MIPEP: variants seen among roughly 807,000 people sequenced by gnomAD.
MIPEP encodes mitochondrial intermediate peptidase.
Under a neutral mutation model 90.3 loss-of-function variants are expected in MIPEP, and 79 were observed. The observed-to-expected ratio is 0.87, with a 90% confidence interval of 0.73 to 1.05. The LOEUF (loss-of-function observed/expected upper bound fraction) is 1.05, where lower values mean the gene tolerates loss of function less well. MIPEP is among the 50% of genes least tolerant of loss of function. The pLI, the probability that MIPEP is intolerant of heterozygous loss-of-function variation, is 0.00. For synonymous variants in MIPEP, 334 were observed against 315.8 expected, an observed-to-expected ratio of 1.06 and a Z score of -0.61; for missense variants, 940 against 905.6, an observed-to-expected ratio of 1.04 and a Z score of -0.49.
At chr13:23,773,944 T>C (rs551510369) in intron 16 of MIPEP, among the ~76,000 whole-genome samples, 35 of 152,330 alleles carry the variant, frequency 2.3e-4, no homozygotes, top group African/African-American at 7.9e-4. Flanking sequence ...AAAAAAATCT[T>C]CTGTTTCTTT....
chr13:23,741,524 C>A (rs2861536), intron 18 of MIPEP, among the ~76,000 whole-genome samples: 151,208 of 152,322 alleles, frequency 0.99, 75,072 homozygotes, highest in Middle Eastern at 1. Flanking sequence ...TTGCAGAAAC[C>A]TGGATGGAGT....
At chr13:23,842,524 C>T (rs1168989022) in intron 10 of MIPEP, 1 of 152,128 alleles carries the variant, frequency 6.6e-6, no homozygotes, top group Non-Finnish European at 1.5e-5. Flanking sequence ...TGCCCTCGCT[C>T]CCTGGTTCGT....
intron 16 of MIPEP, among the ~76,000 whole-genome samples, chr13:23,780,251 C>G (rs971117956): frequency 2.0e-5 from 3 of 152,186 alleles, no homozygotes; most frequent in African/African-American, 7.2e-5. Flanking sequence ...CCCTCTGAGA[C>G]GAAGCTTCCA....
chr13:23,845,341 G>A (rs1418318897), intron 10 of MIPEP, among the ~76,000 whole-genome samples: 1 of 152,174 alleles, frequency 6.6e-6, no homozygotes, highest in Non-Finnish European at 1.5e-5. Context: ...CAAGGTCAAT[G>A]AGAGCCTGAA....
rs1359952520 is a variant in MIPEP, at chr13:23,760,171, T to C, written c.1895A>G (p.Tyr632Cys). The stretch of plus-strand genomic sequence containing the variant: ...CGCTCTGGACATGAGGTAAGAGTAA[T>C]ATCTAGCACCATACCCCACGAGGTG... ...FSHLVGYGARYYSYLMSRAVA... is the reference protein window; with the variant it reads ...FSHLVGYGARCYSYLMSRAVA... Residue 632 changes from tyrosine (Y) to cysteine (C), a missense_variant, in exon 17 of 19, where the codon TAT becomes TGT. By Grantham distance (194) the Tyr-to-Cys change is radical. Coordinates refer to ENST00000382172, the MANE Select transcript of MIPEP (RefSeq NM_005932.4). 1 of 1,613,902 alleles carries C rather than the reference T, an allele frequency of 6.2e-7. No homozygotes were observed. Among genetic ancestry groups the C allele is most frequent in the Non-Finnish European group, 8.5e-7 (1 of 1,180,024 alleles).
chr13:23,861,530 G>GT, intron 9 of MIPEP, among the ~76,000 whole-genome samples: 1 of 152,300 alleles, frequency 6.6e-6, no homozygotes, highest in South Asian at 2.1e-4. Context: ...CCTAGTGGCT[G>GT]TATCTGGGAA....
At chr13:23,798,178 A>G (rs952358727) in intron 16 of MIPEP, among the ~76,000 whole-genome samples, 2 of 152,224 alleles carry the variant, frequency 1.3e-5, no homozygotes, top group Admixed American at 1.3e-4. Flanking sequence ...AACTATTTTA[A>G]TTGGGATTTG....
At chr13:23,752,246 G>A (rs1428127441) in intron 18 of MIPEP, among the ~76,000 whole-genome samples, 1 of 152,190 alleles carries the variant, frequency 6.6e-6, no homozygotes, top group Non-Finnish European at 1.5e-5. Context: ...ATAGTTTACA[G>A]AGGGCAATAT....
At chr13:23,827,950 ATAAT>A (rs1238329500) in intron 14 of MIPEP, among the ~76,000 whole-genome samples, 1 of 152,206 alleles carries the variant, frequency 6.6e-6, no homozygotes, top group Non-Finnish European at 1.5e-5. Flanking sequence ...AATAAATAAA[ATAAT>A]TAGCAAACTA....
At chr13:23,733,917 T>C (rs1358876567) in intron 18 of MIPEP, among the ~76,000 whole-genome samples, 1 of 152,184 alleles carries the variant, frequency 6.6e-6, no homozygotes, top group African/African-American at 2.4e-5. Context: ...TTTTTTACAG[T>C]AAAATAATCT....
At chr13:23,792,038 CCT>C (rs1182575827) in intron 16 of MIPEP, among the ~76,000 whole-genome samples, 8 of 152,180 alleles carry the variant, frequency 5.3e-5, no homozygotes, top group Non-Finnish European at 1.2e-4. Flanking sequence ...AAGACATTAC[CCT>C]CTTTTTCCTC....
At chr13:23,785,181 C>T (rs1268424917) in intron 16 of MIPEP, among the ~76,000 whole-genome samples, 1 of 152,180 alleles carries the variant, frequency 6.6e-6, no homozygotes, top group Non-Finnish European at 1.5e-5. Flanking sequence ...TATAAAGGCA[C>T]TTGCACATGT....
At chr13:23,851,024 G>A (rs1035666918) in intron 10 of MIPEP, among the ~76,000 whole-genome samples, 1 of 152,202 alleles carries the variant, frequency 6.6e-6, no homozygotes, top group Non-Finnish European at 1.5e-5. Context: ...ACGATGAAAG[G>A]AAAGTGGCCA....
chr13:23,815,320 TTTTG>T (rs1343896304), intron 14 of MIPEP, among the ~76,000 whole-genome samples: 1,170 of 11,988 alleles, frequency 0.098, 13 homozygotes, highest in African/African-American at 0.12. Context: ...TTTCCTGATT[TTTTG>T]TTTTTTTTTG....
chr13:23,842,900 C>A (rs1435610690), intron 10 of MIPEP, among the ~76,000 whole-genome samples: 1 of 151,942 alleles, frequency 6.6e-6, no homozygotes, highest in East Asian at 1.9e-4. Flanking sequence ...GAGTTCAAGA[C>A]CAGTTTGGCC....
At chr13:23,772,794 C>A (rs1269353782) in intron 16 of MIPEP, among the ~76,000 whole-genome samples, 1 of 152,212 alleles carries the variant, frequency 6.6e-6, no homozygotes, top group African/African-American at 2.4e-5. Context: ...GCAATTCAGT[C>A]TCCCTCTTCC....
At chr13:23,824,220 AC>A (rs1953341179) in intron 14 of MIPEP, among the ~76,000 whole-genome samples, 1 of 152,228 alleles carries the variant, frequency 6.6e-6, no homozygotes, top group African/African-American at 2.4e-5. Context: ...GTATTCTCTA[AC>A]ATTTCACAAT....
intron 7 of MIPEP, among the ~76,000 whole-genome samples, chr13:23,868,037 A>G (rs1040644542): frequency 3.3e-5 from 5 of 152,094 alleles, no homozygotes; most frequent in African/African-American, 1.2e-4. Flanking sequence ...CTTACAAAAA[A>G]AGAAAAAACA....
chr13:23,760,251 A>G, intron 16 of MIPEP, 34 bp from the exon 17 acceptor site: 1 of 1,613,620 alleles, frequency 6.2e-7, no homozygotes, highest in Non-Finnish European at 8.5e-7. Context: ...CACGGGACAC[A>G]AGTCAGTTTC....
Sources: gnomAD v4.1 joint callset for allele counts (sites outside exome capture counted in the v4.1 genomes callset) on GRCh38, gnomAD v4.1.1 for gene constraint, MANE v1.5 for transcripts, NCBI Gene and HGNC (gene_info 2026-07-23, HGNC 2026-07-21) for gene names.